WSB1: variants seen among roughly 807,000 people sequenced by gnomAD.
The protein encoded by WSB1 is WD repeat and SOCS box containing 1, also known as WD repeat and SOCS box-containing protein 1.
WSB1 carries 23 observed loss-of-function variants against 50.2 expected under a neutral mutation model. That is an observed-to-expected ratio of 0.46 (90% CI 0.33 to 0.65). The LOEUF (loss-of-function observed/expected upper bound fraction) is 0.65, where lower values mean the gene tolerates loss of function less well. Among genes scored for constraint, WSB1 ranks in the 30% least tolerant of loss-of-function variants. The pLI is 0.02. For missense variants in WSB1, 492 were observed against 522.3 expected, an observed-to-expected ratio of 0.94 and a Z score of 0.56; for synonymous variants, 179 against 172.0, an observed-to-expected ratio of 1.04 and a Z score of -0.32.
At chr17:27,308,720 GGTA>G (rs1284865826) in intron 5 of WSB1, 1 of 986,712 alleles carries the variant, frequency 1.0e-6, no homozygotes, top group Non-Finnish European at 1.2e-6. Flanking sequence ...TTAAAAATCT[GGTA>G]GTTTCTGGAA....
chr17:27,301,644 C>T (rs1473718489), intron 1 of WSB1, 144 bp from the exon 2 acceptor site: 1 of 699,818 alleles, frequency 1.4e-6, no homozygotes, highest in African/African-American at 1.9e-5. Context: ...ACTGCATACC[C>T]CCCGTTAGAG....
Position 27,309,848 on chromosome 17 carries a change from T to A in WSB1, c.885-213T>A, listed in dbSNP as rs2017602983. 2.0e-5 allele frequency among the ~76,000 whole-genome samples: 3 copies of A among 152,210 alleles called. No homozygotes were observed. The South Asian group carries it at 6.2e-4, about 31-fold the overall frequency. On this transcript the variant is annotated intron_variant, in intron 6 of 8. Coordinates refer to ENST00000262394, the MANE Select transcript of WSB1 (RefSeq NM_015626.10). ...CACCTGCCTTAACCTCCCAAAGTGC[T>A]GGGATTACAGGCATGAGCCACTGCG...
intron 5 of WSB1, 54 bp from the exon 6 acceptor site, chr17:27,309,046 A>AT (rs2017564357): frequency 2.0e-6 from 3 of 1,501,782 alleles, no homozygotes; most frequent in Non-Finnish European, 2.7e-6. Flanking sequence ...AAGATGTGCC[A>AT]TTTTGTCCTC....
chr17:27,298,126 G>GAAAA (rs35222722), intron 1 of WSB1, among the ~76,000 whole-genome samples: 18 of 74,188 alleles, frequency 2.4e-4, no homozygotes, highest in African/African-American at 8.5e-4. Context: ...CTCCGTCTCA[G>GAAAA]AAAAAAAAAA....
chr17:27,306,815 A>T lies in WSB1; in HGVS notation c.644A>T (p.Asn215Ile), dbSNP rs2017479094. 6.2e-7 allele frequency: 1 copy of T among 1,614,048 alleles called. No homozygotes were observed. The highest frequency in any genetic ancestry group is 1.7e-5 in the Admixed American group (1 of 59,990). The change falls in exon 5 of 9, where the codon AAT becomes ATT. Residue 215 changes from asparagine (N) to isoleucine (I), a missense_variant. Coordinates refer to ENST00000262394, the MANE Select transcript of WSB1 (RefSeq NM_015626.10). ...ATGAAAGTATTGAGGGGGCATCAGA[A>T]TTGGGTGTACAGCTGTGCATTCTCT... ...NMMKVLRGHQNWVYSCAFSPD... is the reference protein window; with the variant it reads ...NMMKVLRGHQIWVYSCAFSPD...
At chr17:27,306,976 C>A in intron 5 of WSB1, 94 bp downstream of exon 5, 3 of 1,183,112 alleles carry the variant, frequency 2.5e-6, no homozygotes, top group Non-Finnish European at 2.4e-6. Context: ...GAAGTCTGTG[C>A]TCGGTGTCAT....
intron 8 of WSB1, 94 bp downstream of exon 8, chr17:27,311,710 T>A: frequency 1.1e-6 from 1 of 924,762 alleles, no homozygotes; most frequent in Non-Finnish European, 1.5e-6. Context: ...CTGCTCACTG[T>A]AGCCTCCGTC....
At chr17:27,312,185 A>G in intron 8 of WSB1, 25 bp from the exon 9 acceptor site, 1 of 1,592,266 alleles carries the variant, frequency 6.3e-7, no homozygotes, top group South Asian at 1.1e-5. Context: ...TTGGGTGACT[A>G]AGCATGTGCT....
At chr17:27,309,925 A>G (rs2017608171) in intron 6 of WSB1, 136 bp from the exon 7 acceptor site, 1 of 651,940 alleles carries the variant, frequency 1.5e-6, no homozygotes, top group East Asian at 2.8e-5. Flanking sequence ...TGGATGTATC[A>G]TCTCTACTGA....
chr17:27,306,834 A>C lies in WSB1; in HGVS notation c.663A>C (p.Ala221=). 1 of 1,614,192 alleles carries C rather than the reference A, an allele frequency of 6.2e-7. No homozygotes were observed. Among genetic ancestry groups the C allele is most frequent in the South Asian group, 1.1e-5 (1 of 91,086 alleles). The change falls in exon 5 of 9, where the codon GCA becomes GCC. Residue 221 remains alanine (A), a synonymous_variant. Transcript: ENST00000262394. The part of the protein sequence containing the change: ...RGHQNWVYSC[A]FSPDSSMLCS... ...ATCAGAATTGGGTGTACAGCTGTGC[A>C]TTCTCTCCTGACTCTTCTATGCTGT...
chr17:27,305,626 A>AGG (rs1478935037), intron 4 of WSB1, among the ~76,000 whole-genome samples: 1 of 152,198 alleles, frequency 6.6e-6, no homozygotes, highest in South Asian at 2.1e-4. Flanking sequence ...AGGCTTGCCT[A>AGG]GGGGTAATAA....
chr17:27,303,692 T>C (rs2150835057), intron 3 of WSB1, 57 bp downstream of exon 3: 1 of 1,564,456 alleles, frequency 6.4e-7, no homozygotes, highest in Admixed American at 1.8e-5. Context: ...GGGCACTGCT[T>C]ATAGGCACTG....
rs1320520338 is a variant in WSB1 at position 27,303,564 on chromosome 17, TTGGAC to T, written c.408_412del (p.Phe136LeufsTer28). On this transcript the variant is annotated frameshift_variant, in exon 3 of 9. Coordinates refer to ENST00000262394, the MANE Select transcript of WSB1 (RefSeq NM_015626.10). LOFTEE classifies it high-confidence loss of function. ...AATATAGAATGGCATCGCTTCAGAT[TTGGAC>T]AAGATCAGCTACTTCTTGCTACAGG... 6.2e-7 allele frequency: 1 copy of T among 1,614,050 alleles called. No homozygotes were observed. The highest frequency in any genetic ancestry group is 8.5e-7 in the Non-Finnish European group (1 of 1,180,020).
intron 5 of WSB1, chr17:27,307,791 G>T (rs1472642878): frequency 5.2e-6 from 8 of 1,533,176 alleles, no homozygotes; most frequent in Non-Finnish European, 7.0e-6. Flanking sequence ...GGCACCACTC[G>T]CACACAGGCG....
chr17:27,303,767 T>A (rs1413343441), intron 3 of WSB1, 132 bp downstream of exon 3: 1 of 1,125,778 alleles, frequency 8.9e-7, no homozygotes, highest in Non-Finnish European at 1.3e-6. Context: ...TGCGTCTTTA[T>A]AATAGACCTG....
chr17:27,307,210 G>A (rs2017498185), intron 5 of WSB1: 1 of 223,180 alleles, frequency 4.5e-6, no homozygotes, highest in Admixed American at 5.4e-5. Flanking sequence ...TTTCTTCTCT[G>A]TTGTTCTATT....
Position 27,306,880 on chromosome 17 carries a change from G to C in WSB1, c.709G>C (p.Ala237Pro). 6.2e-7 allele frequency: 1 copy of C among 1,614,016 alleles called. No homozygotes were observed. Among genetic ancestry groups the C allele is most frequent in the South Asian group, 1.1e-5 (1 of 91,032 alleles). The change falls in exon 5 of 9, where the codon GCA becomes CCA. Residue 237 changes from alanine to proline, a missense_variant and splice_region_variant. Physicochemically the swap from Ala to Pro is conservative, Grantham distance 27. Coordinates refer to ENST00000262394, the MANE Select transcript of WSB1 (RefSeq NM_015626.10). ...SMLCSVGASK[A>P]VFLWNMDKYT... ...GCTGTGTTCAGTCGGAGCCAGTAAA[G>C]CAGTACGTGTCAAAGTTCTTGTACA... is the stretch of plus-strand genomic sequence containing the variant.
chr17:27,306,031 A>C (rs993082581), intron 4 of WSB1, among the ~76,000 whole-genome samples: 2 of 152,130 alleles, frequency 1.3e-5, no homozygotes, highest in African/African-American at 4.8e-5. Flanking sequence ...AGTATACTTA[A>C]GCATAGTTGT....
At chr17:27,302,036 T>A in intron 2 of WSB1, 80 bp downstream of exon 2, 1 of 1,407,032 alleles carries the variant, frequency 7.1e-7, no homozygotes. Flanking sequence ...ATAAAAACAT[T>A]TTGATATTTA....
Sources: gnomAD v4.1 joint callset for allele counts (sites outside exome capture counted in the v4.1 genomes callset) on GRCh38, gnomAD v4.1.1 for gene constraint, MANE v1.5 for transcripts, NCBI Gene and HGNC (gene_info 2026-07-23, HGNC 2026-07-21) for gene names.